CMIP: variants seen among roughly 807,000 people sequenced by gnomAD.
CMIP encodes C-Maf-inducing protein.
In CMIP, 13 loss-of-function variants were observed where a neutral mutation model predicts 97.3. That is an observed-to-expected ratio of 0.13 (90% CI 0.09 to 0.21). The LOEUF is 0.21. Among genes scored for constraint, CMIP ranks in the 10% least tolerant of loss-of-function variants. The pLI, the probability that CMIP is intolerant of heterozygous loss-of-function variation, is 1.00. For synonymous variants in CMIP, 538 were observed against 436.3 expected (o/e 1.23, Z -2.91); for missense variants, 847 against 1,024.9 (o/e 0.83, Z 2.37).
intron 1 of CMIP, among the ~76,000 whole-genome samples, chr16:81,473,031 C>G (rs925601769): frequency 6.6e-6 from 1 of 152,190 alleles, no homozygotes; most frequent in Non-Finnish European, 1.5e-5. Context: ...CCCATCTCCT[C>G]TGCATACCCT....
chr16:81,615,496 GGT>G (rs563411747), intron 2 of CMIP, among the ~76,000 whole-genome samples: 43 of 145,558 alleles, frequency 3.0e-4, no homozygotes, highest in Admixed American at 6.9e-4. Context: ...GTGTGTGTGT[GGT>G]GTGTGTGTCT....
At chr16:81,660,247 C>A (rs8057957) in intron 5 of CMIP, among the ~76,000 whole-genome samples, 88,187 of 151,832 alleles carry the variant, frequency 0.58, 25,870 homozygotes, top group East Asian at 0.7. Context: ...TACTTAAAAT[C>A]TCATTTTGCA....
At chr16:81,506,040 T>C (rs9938703) in intron 1 of CMIP, among the ~76,000 whole-genome samples, 2,134 of 152,314 alleles carry the variant, frequency 0.014, 41 homozygotes, top group African/African-American at 0.047. Flanking sequence ...CTGCCGTTCA[T>C]TGAGTGCTTA....
At chr16:81,630,150 A>T (rs534648661) in intron 3 of CMIP, 1 of 152,318 alleles carries the variant, frequency 6.6e-6, no homozygotes, top group South Asian at 2.1e-4. Context: ...CAAGCTCACC[A>T]GTTTCTTACG....
chr16:81,449,266 A>G (rs1906057777), intron 1 of CMIP, among the ~76,000 whole-genome samples: 1 of 152,196 alleles, frequency 6.6e-6, no homozygotes, highest in African/African-American at 2.4e-5. Flanking sequence ...TCAAGCCATA[A>G]TTCATCAGTG....
intron 1 of CMIP, among the ~76,000 whole-genome samples, chr16:81,594,636 C>T (rs922617585): frequency 9.9e-5 from 15 of 152,146 alleles, no homozygotes; most frequent in East Asian, 3.9e-4. Context: ...GTTTTTGAGA[C>T]GGAGTCTCGC....
intron 3 of CMIP, among the ~76,000 whole-genome samples, chr16:81,641,562 C>T (rs906785845): frequency 3.9e-5 from 6 of 152,320 alleles, no homozygotes; most frequent in South Asian, 2.1e-4. Context: ...CAGCCAGGCA[C>T]GTGGTTACCT....
intron 18 of CMIP, among the ~76,000 whole-genome samples, 189 bp downstream of exon 18, chr16:81,704,274 C>T (rs1340672757): frequency 1.8e-5 from 1 of 54,862 alleles, no homozygotes; most frequent in East Asian, 8.4e-4. Flanking sequence ...CTCCTCCCTG[C>T]TCCCCTCACC....
intron 3 of CMIP, chr16:81,645,327 G>A (rs1286697703): frequency 2.8e-5 from 38 of 1,353,014 alleles, no homozygotes; most frequent in Non-Finnish European, 3.5e-5. Context: ...CTCTCTTCAC[G>A]ACAGGTGGTG....
intron 7 of CMIP, among the ~76,000 whole-genome samples, chr16:81,668,664 G>A (rs2092637930): frequency 6.6e-6 from 1 of 152,100 alleles, no homozygotes; most frequent in South Asian, 2.1e-4. Context: ...CACAGATGGG[G>A]CCTCCAACCA....
rs200195305 is a variant in CMIP, at chr16:81,636,580, C to CA, written c.478-15602dup. ...TGGGTTACAGAGTGAAACTTCGTCT[C>CA]AAAAAAAAAAAAAAAAAAAAAGTAT... On this transcript the variant is annotated intron_variant, in intron 3 of 20. Coordinates refer to ENST00000537098, the MANE Select transcript of CMIP (RefSeq NM_198390.3). Among the ~76,000 whole-genome samples the CA allele has an allele frequency of 7.1e-3, 761 of 106,492 alleles. 6 individuals are homozygous for CA. Among genetic ancestry groups the CA allele is most frequent in the Middle Eastern group, 0.019 (4 of 210 alleles). 69.9% of individuals were successfully genotyped at this position (106,492 alleles called of 152,430 possible). A position where few individuals can be genotyped will look rare whatever the true frequency, so the allele number is the denominator to read the frequency against.
intron 1 of CMIP, among the ~76,000 whole-genome samples, chr16:81,500,867 C>A (rs1157318468): frequency 6.6e-6 from 1 of 152,168 alleles, no homozygotes; most frequent in East Asian, 1.9e-4. Flanking sequence ...TCCTTCTTTG[C>A]ATGTGCCAAG....
At chr16:81,490,770 G>A (rs1346097938) in intron 1 of CMIP, among the ~76,000 whole-genome samples, 1 of 151,952 alleles carries the variant, frequency 6.6e-6, no homozygotes, top group Non-Finnish European at 1.5e-5. Context: ...GGTGAAGGAG[G>A]GAGCCACCCT....
chr16:81,556,010 G>T (rs2090755581), intron 1 of CMIP, among the ~76,000 whole-genome samples: 1 of 152,166 alleles, frequency 6.6e-6, no homozygotes, highest in Admixed American at 6.5e-5. Flanking sequence ...TAGAATTTGA[G>T]TCCAGTCCTG....
intron 1 of CMIP, among the ~76,000 whole-genome samples, chr16:81,477,012 T>G (rs1339114195): frequency 6.6e-6 from 1 of 152,002 alleles, no homozygotes; most frequent in African/African-American, 2.4e-5. Context: ...GCTTCATCTA[T>G]AGTAGGACCA....
chr16:81,629,529 A>G (rs1285067114), intron 3 of CMIP, among the ~76,000 whole-genome samples: 2 of 152,188 alleles, frequency 1.3e-5, no homozygotes, highest in African/African-American at 2.4e-5. Flanking sequence ...TTGCCCGTCT[A>G]ACCCCGTCTT....
At position 81,678,345 on chromosome 16, in the gene CMIP, T is replaced by C. The variant is rs776492922; in HGVS notation, c.1105T>C (p.Leu369=). The C allele has an allele frequency of 3.8e-5, 61 of 1,612,992 alleles. No individual in the cohort carries two copies. The highest frequency in any genetic ancestry group is 5.2e-5 in the Non-Finnish European group (61 of 1,179,512). ...CQQPCDRKPT[L]PLRLLHPSPD... The stretch of plus-strand genomic sequence containing the variant: ...GCAGCCGTGCGACCGGAAGCCCACT[T>C]TACCTCTGCGCCTTCTGCACCCCAG... The change falls in exon 10 of 21, where the codon TTA becomes CTA. Residue 369 remains leucine, a synonymous_variant. Transcript: ENST00000537098.
chr16:81,660,950 C>T lies in CMIP; in HGVS notation c.744+4C>T, dbSNP rs374447209. Reference sequence around the variant, plus strand: ...TCTCTGTGAATTCTTTTGCAAGGTACGGGATTGCTGAGCTGGGGCTGTGGC... The same window carrying T: ...TCTCTGTGAATTCTTTTGCAAGGTATGGGATTGCTGAGCTGGGGCTGTGGC... On this transcript the variant is annotated splice_donor_region_variant and intron_variant, in intron 6 of 20. Coordinates refer to ENST00000537098, the MANE Select transcript of CMIP (RefSeq NM_198390.3). 135 of 1,613,808 alleles carry T rather than the reference C, an allele frequency of 8.4e-5. No individual in the cohort carries two copies. The highest frequency in any genetic ancestry group is 1.1e-4 in the Non-Finnish European group (127 of 1,179,874).
intron 12 of CMIP, 99 bp from the exon 13 acceptor site, chr16:81,693,340 C>G (rs1022825761): frequency 1.3e-6 from 2 of 1,513,678 alleles, no homozygotes; most frequent in Non-Finnish European, 1.8e-6. Context: ...TTGCCCAGCT[C>G]CCTGGCCCGT....
Sources: gnomAD v4.1 joint callset for allele counts (sites outside exome capture counted in the v4.1 genomes callset) on GRCh38, gnomAD v4.1.1 for gene constraint, MANE v1.5 for transcripts, NCBI Gene and HGNC (gene_info 2026-07-23, HGNC 2026-07-21) for gene names.